The following ANKS1B variants were observed in gnomAD, a reference collection of about 807,000 sequenced individuals.
ANKS1B encodes the protein ankyrin repeat and sterile alpha motif domain containing 1B.
ANKS1B carries 36 observed loss-of-function variants against 148.3 expected under a neutral mutation model. The observed-to-expected ratio is 0.24, with a 90% CI of 0.19 to 0.32. ANKS1B has a LOEUF of 0.32. ANKS1B is among the 10% of genes least tolerant of loss of function. The pLI, the probability that ANKS1B is intolerant of heterozygous loss-of-function variation, is 1.00. For missense variants in ANKS1B, 1,157 were observed against 1,542.6 expected (o/e 0.75, Z 4.19); for synonymous variants, 542 against 560.8 (o/e 0.97, Z 0.47).
intron 8 of ANKS1B, among the ~76,000 whole-genome samples, chr12:99,748,796 T>G (rs1297638646): frequency 6.6e-6 from 1 of 152,086 alleles, no homozygotes; most frequent in East Asian, 1.9e-4. Flanking sequence ...GGACAGATAT[T>G]TTAAGGATTA....
At chr12:99,584,211 G>C (rs2097600288) in intron 9 of ANKS1B, among the ~76,000 whole-genome samples, 1 of 152,152 alleles carries the variant, frequency 6.6e-6, no homozygotes, top group Admixed American at 6.5e-5. Flanking sequence ...ATGGGCAAAA[G>C]CTTATGAAAA....
intron 8 of ANKS1B, among the ~76,000 whole-genome samples, chr12:99,732,353 A>T (rs1490256396): frequency 6.6e-6 from 1 of 152,210 alleles, no homozygotes; most frequent in African/African-American, 2.4e-5. Flanking sequence ...AAGATTCATA[A>T]CTTTATTAAT....
At chr12:99,073,772 C>G (rs2046993472) in intron 16 of ANKS1B, among the ~76,000 whole-genome samples, 1 of 152,126 alleles carries the variant, frequency 6.6e-6, no homozygotes, top group African/African-American at 2.4e-5. Context: ...TCAATTGGTT[C>G]TTTCATTTCC....
chr12:99,561,135 T>A (rs1045689677), intron 9 of ANKS1B, among the ~76,000 whole-genome samples: 1 of 152,146 alleles, frequency 6.6e-6, no homozygotes, highest in Non-Finnish European at 1.5e-5. Context: ...TGTAAGCCAG[T>A]GCGCCCGGCC....
chr12:99,134,738 T>G (rs2067419256), intron 15 of ANKS1B, among the ~76,000 whole-genome samples: 1 of 147,592 alleles, frequency 6.8e-6, no homozygotes, highest in East Asian at 2.0e-4. Flanking sequence ...AAAAAGGAAG[T>G]AAGGCTAACT....
At position 98,832,050 on chromosome 12, in the gene ANKS1B, G is replaced by A; in HGVS notation, c.2865C>T (p.Pro955=). ...DRLHDDPPQK[P]PRSITLREPS... is the part of the protein sequence containing the mutation. ...TTACCCTGAGGGTGATGGACCGAGGGGGCTTCTGTGGGGGATCGTCGTGCA... is the reference window on the plus strand; with the variant it reads ...TTACCCTGAGGGTGATGGACCGAGGAGGCTTCTGTGGGGGATCGTCGTGCA... The change falls in exon 18 of 27, where the codon CCC becomes CCT. Residue 955 remains proline, a synonymous_variant. Coordinates refer to ENST00000683438, the MANE Select transcript of ANKS1B (RefSeq NM_001352186.2). The A allele has an allele frequency of 1.3e-6, 2 of 1,595,878 alleles. No individual in the cohort carries two copies. Among genetic ancestry groups the A allele is most frequent in the South Asian group, 2.3e-5 (2 of 87,392 alleles).
chr12:99,767,196 G>A (rs1469240875), intron 8 of ANKS1B, among the ~76,000 whole-genome samples: 1 of 151,882 alleles, frequency 6.6e-6, no homozygotes, highest in Non-Finnish European at 1.5e-5. Context: ...TAAATATTTT[G>A]CATTGGAAAA....
At chr12:98,743,214 C>CCAAA (rs889513923), downstream of ANKS1B, among the ~76,000 whole-genome samples, 7 of 152,102 alleles carry the variant, frequency 4.6e-5, no homozygotes, top group Admixed American at 1.3e-4. Context: ...TCCATCTTAT[C>CCAAA]CAAACAAACA....
At chr12:98,741,856 C>T (rs992296141), downstream of ANKS1B, among the ~76,000 whole-genome samples, 1 of 152,208 alleles carries the variant, frequency 6.6e-6, no homozygotes, top group African/African-American at 2.4e-5. Flanking sequence ...CTTTTGACTT[C>T]CCACGTGTCT....
intron 17 of ANKS1B, among the ~76,000 whole-genome samples, chr12:98,953,536 GGTTTTTTTTTT>G (rs1342012444): frequency 3.0e-4 from 28 of 94,338 alleles, no homozygotes; most frequent in African/African-American, 1.5e-3. Flanking sequence ...AATCTAGAGT[GGTTTTTTTTTT>G]TTTTTTTTTT....
At chr12:99,927,606 C>T (rs2094504811) in intron 1 of ANKS1B, among the ~76,000 whole-genome samples, 1 of 152,054 alleles carries the variant, frequency 6.6e-6, no homozygotes, top group Non-Finnish European at 1.5e-5. Flanking sequence ...CTGGTGAACA[C>T]TATGAGGTAC....
chr12:99,468,499 G>C (rs2096175524), intron 10 of ANKS1B, among the ~76,000 whole-genome samples: 1 of 152,058 alleles, frequency 6.6e-6, no homozygotes, highest in East Asian at 1.9e-4. Context: ...AGAGTGAACA[G>C]GCAACCTAAA....
intron 9 of ANKS1B, among the ~76,000 whole-genome samples, chr12:99,612,797 G>A (rs1336088004): frequency 3.3e-5 from 5 of 151,948 alleles, no homozygotes; most frequent in Admixed American, 6.6e-5. Context: ...TTTGCATTGC[G>A]TAAGTTAAAA....
rs149852560 is a variant in ANKS1B, at chr12:99,343,391, C to T, written c.1756+56240G>A. Among the ~76,000 whole-genome samples, 194 of 152,186 alleles carry T rather than the reference C, an allele frequency of 1.3e-3. 3 individuals carry two copies. The South Asian group carries it at 0.021, about 17-fold the overall frequency. ...TATCTGAACTTCAAACACTGTCTGA[C>T]ATTCCTGAAATAGCTTTAATATTAC... On this transcript the variant is annotated intron_variant, in intron 12 of 26. Coordinates refer to ENST00000683438, the MANE Select transcript of ANKS1B (RefSeq NM_001352186.2).
chr12:98,833,423 C>A, intron 17 of ANKS1B, among the ~76,000 whole-genome samples: 1 of 152,092 alleles, frequency 6.6e-6, no homozygotes, highest in East Asian at 1.9e-4. Context: ...ATGTGTTTAC[C>A]TCTTCCCTAC....
chr12:99,521,808 T>C (rs547077680), intron 9 of ANKS1B, among the ~76,000 whole-genome samples: 3 of 152,104 alleles, frequency 2.0e-5, no homozygotes, highest in Non-Finnish European at 4.4e-5. Context: ...CCACAGCCAT[T>C]GAAACTGTGC....
chr12:99,540,942 A>G (rs986555131), intron 9 of ANKS1B, among the ~76,000 whole-genome samples: 7 of 152,102 alleles, frequency 4.6e-5, no homozygotes, highest in Non-Finnish European at 1.0e-4. Flanking sequence ...ATCAGGAATG[A>G]AAGAGAAGCT....
chr12:99,847,818 T>C lies in ANKS1B; in HGVS notation c.135-22429A>G, dbSNP rs1603306080. ...GGTTAGGAAAGGTATCACACCCTTC[T>C]GCCCCTACAGTTGCTGCATGAAGGA... On this transcript the variant is annotated intron_variant, in intron 1 of 26. Coordinates refer to ENST00000683438, the MANE Select transcript of ANKS1B (RefSeq NM_001352186.2). 2.0e-5 allele frequency among the ~76,000 whole-genome samples: 3 copies of C among 152,288 alleles called. No homozygotes were observed. The East Asian group carries it at 5.8e-4, about 29-fold the overall frequency.
intron 26 of ANKS1B, among the ~76,000 whole-genome samples, chr12:98,747,656 C>T (rs1040413014): frequency 2.2e-4 from 34 of 152,200 alleles, no homozygotes; most frequent in African/African-American, 8.0e-4. Context: ...TCTGCACTCC[C>T]ATGTTTATTG....
Sources: gnomAD v4.1 joint callset for allele counts (sites outside exome capture counted in the v4.1 genomes callset) on GRCh38, gnomAD v4.1.1 for gene constraint, MANE v1.5 for transcripts, NCBI Gene and HGNC (gene_info 2026-07-23, HGNC 2026-07-21) for gene names.